NSUN7: variants seen among roughly 807,000 people sequenced by gnomAD.
NSUN7 encodes NOP2/Sun RNA methyltransferase family member 7.
In NSUN7, 39 loss-of-function variants were observed where a neutral mutation model predicts 58.5. The observed-to-expected ratio is 0.67, with a 90% CI of 0.52 to 0.87. The LOEUF is 0.87. Among genes scored for constraint, NSUN7 ranks in the 40% least tolerant of loss-of-function variants. The pLI is 0.00. For missense variants in NSUN7, 765 were observed against 844.1 expected (o/e 0.91, Z 1.16); for synonymous variants, 278 against 303.7 (o/e 0.92, Z 0.88).
intron 7 of NSUN7, among the ~76,000 whole-genome samples, chr4:40,780,842 C>T (rs1238371612): frequency 1.5e-4 from 14 of 95,136 alleles, no homozygotes; most frequent in Admixed American, 8.4e-4. Flanking sequence ...TTTTTTGAGA[C>T]GGTGTCTCGC....
intron 9 of NSUN7, among the ~76,000 whole-genome samples, chr4:40,796,465 C>A (rs1385618165): frequency 6.6e-6 from 1 of 151,930 alleles, no homozygotes; most frequent in Non-Finnish European, 1.5e-5. Flanking sequence ...CATAGTGAGA[C>A]CCTGCCTCTA....
At chr4:40,765,742 C>T (rs1370838597) in intron 4 of NSUN7, among the ~76,000 whole-genome samples, 2 of 152,104 alleles carry the variant, frequency 1.3e-5, no homozygotes, top group African/African-American at 4.8e-5. Flanking sequence ...TTCTTGGTAT[C>T]CTCTTTTATT....
chr4:40,768,388 G>T (rs1741838595), intron 4 of NSUN7, among the ~76,000 whole-genome samples: 1 of 151,782 alleles, frequency 6.6e-6, no homozygotes, highest in African/African-American at 2.4e-5. Flanking sequence ...TGGGGTTTCA[G>T]CATGTTGGCC....
chr4:40,790,778 A>T (rs370313758), intron 8 of NSUN7, 33 bp downstream of exon 8: 1 of 1,445,142 alleles, frequency 6.9e-7, no homozygotes. Context: ...TATTGAAATT[A>T]GTTGACAGTT....
At position 40,808,810 on chromosome 4, in the gene NSUN7, C is replaced by T; in HGVS notation, c.2028C>T (p.Tyr676=). ...CTCGGATGCCAACTCAACATTTGTA[C>T]TGTCGTTGGGTTGCACCCAAGGCAC... ...IRSRMPTQHL[Y]CRWVAPKALV... Residue 676 remains tyrosine (Y), a synonymous_variant, in exon 12 of 12, where the codon TAC becomes TAT. Transcript: ENST00000381782. 1 of 1,549,130 alleles carries T rather than the reference C, an allele frequency of 6.5e-7. No homozygotes were observed.
rs1740767152 is a variant in NSUN7 at position 40,750,601 on chromosome 4, A to G, written c.-91-2A>G. On this transcript the variant is annotated splice_acceptor_variant, in intron 1 of 11. Coordinates refer to ENST00000381782, the MANE Select transcript of NSUN7 (RefSeq NM_024677.6). LOFTEE classifies it low-confidence loss of function (5UTR_SPLICE). ...TACTGCAATCACCTTCTCTCTTCAC[A>G]GAGACCATGCTGCAGATGCGAGGAA... 6.9e-7 allele frequency: 1 copy of G among 1,442,706 alleles called. No homozygotes were observed. The highest frequency in any genetic ancestry group is 1.4e-5 in the African/African-American group (1 of 71,048). The allele number at this position is 1,442,706 out of a possible 1,614,324, so 89.4% of individuals were successfully genotyped here. A position where few individuals can be genotyped will look rare whatever the true frequency, so the allele number is the denominator to read the frequency against.
intron 4 of NSUN7, among the ~76,000 whole-genome samples, chr4:40,764,042 T>C (rs907757009): frequency 1.3e-5 from 2 of 152,074 alleles, no homozygotes; most frequent in African/African-American, 4.8e-5. Context: ...TACTCGAGTC[T>C]TCTTTGTTTT....
chr4:40,772,830 G>A (rs970457896), intron 4 of NSUN7, among the ~76,000 whole-genome samples: 4 of 152,112 alleles, frequency 2.6e-5, no homozygotes, highest in Non-Finnish European at 4.4e-5. Flanking sequence ...AACTCAGATC[G>A]TATTTGACTG....
At chr4:40,767,129 T>C (rs1165927046) in intron 4 of NSUN7, among the ~76,000 whole-genome samples, 1 of 152,056 alleles carries the variant, frequency 6.6e-6, no homozygotes, top group East Asian at 1.9e-4. Flanking sequence ...TGCTAGCTTT[T>C]GAATGTGCTT....
chr4:40,783,814 C>G (rs533480833), intron 7 of NSUN7, among the ~76,000 whole-genome samples: 2 of 151,284 alleles, frequency 1.3e-5, no homozygotes, highest in South Asian at 2.1e-4. Context: ...TGCCACTGCA[C>G]TCTAGCCTAG....
chr4:40,776,074 A>G lies in NSUN7; in HGVS notation c.851A>G (p.His284Arg), dbSNP rs1742247311. The change falls in exon 7 of 12, where the codon CAT becomes CGT. Residue 284 changes from histidine (H) to arginine (R), a missense_variant. Transcript: ENST00000381782. ...GACAAATCTCGAAGTCTTGCTGTCC[A>G]TTCTGTAAAGGCTTTATTAAATATG... is the stretch of plus-strand genomic sequence containing the variant. ...FQDKSRSLAV[H>R]SVKALLNMDD... The G allele has an allele frequency of 3.1e-6, 5 of 1,606,606 alleles. No individual in the cohort carries two copies. The highest frequency in any genetic ancestry group is 4.3e-6 in the Non-Finnish European group (5 of 1,176,318).
intron 7 of NSUN7, chr4:40,786,213 A>G (rs970663961): frequency 5.0e-6 from 8 of 1,613,892 alleles, no homozygotes; most frequent in Admixed American, 3.3e-5. Context: ...CTGGAAAGAC[A>G]ACTGTCTTAT....
chr4:40,782,737 C>T (rs1742636306), intron 7 of NSUN7, among the ~76,000 whole-genome samples: 1 of 151,958 alleles, frequency 6.6e-6, no homozygotes, highest in South Asian at 2.1e-4. Flanking sequence ...GCCATGGTGG[C>T]ACATGCCTGT....
intron 7 of NSUN7, among the ~76,000 whole-genome samples, chr4:40,778,193 A>G (rs1300666702): frequency 2.0e-5 from 3 of 152,204 alleles, no homozygotes; most frequent in African/African-American, 7.2e-5. Context: ...AGACTCAGTG[A>G]TTCAGTTATC....
intron 7 of NSUN7, among the ~76,000 whole-genome samples, chr4:40,776,771 A>G (rs1013288571): frequency 3.3e-5 from 5 of 151,998 alleles, no homozygotes; most frequent in Non-Finnish European, 5.9e-5. Flanking sequence ...TCATGCCACT[A>G]TGCGTGGCTA....
intron 4 of NSUN7, chr4:40,773,034 T>C (rs1388791575): frequency 1.3e-5 from 2 of 152,154 alleles, no homozygotes; most frequent in Non-Finnish European, 2.9e-5. Context: ...TTGTTTTTCT[T>C]TTGTGATTTG....
chr4:40,807,120 A>C lies in NSUN7; in HGVS notation c.1460A>C (p.Lys487Thr), dbSNP rs762926310. Residue 487 changes from lysine (K) to threonine (T), a missense_variant, in exon 11 of 12, where the codon AAA becomes ACA. Physicochemically the swap from Lys to Thr is moderately conservative, Grantham distance 78. Coordinates refer to ENST00000381782, the MANE Select transcript of NSUN7 (RefSeq NM_024677.6). ...AAGGAAATTCAATTGTCTACTGATAAATTTTTCAGAATGGAACCATCTGAA... is the reference window on the plus strand; with the variant it reads ...AAGGAAATTCAATTGTCTACTGATACATTTTTCAGAATGGAACCATCTGAA... ...SLKEIQLSTD[K>T]FFRMEPSEIT... The C allele has an allele frequency of 1.3e-6, 2 of 1,551,298 alleles. No homozygotes were observed. Among genetic ancestry groups the C allele is most frequent in the South Asian group, 2.4e-5 (2 of 84,002 alleles).
At chr4:40,799,732 A>G (rs1743498937) in intron 10 of NSUN7, among the ~76,000 whole-genome samples, 1 of 152,194 alleles carries the variant, frequency 6.6e-6, no homozygotes, top group South Asian at 2.1e-4. Context: ...TACCTAGGGA[A>G]TTATACCAAG....
At chr4:40,751,013 G>A in intron 2 of NSUN7, 22 bp downstream of exon 2, 1 of 1,607,246 alleles carries the variant, frequency 6.2e-7, no homozygotes, top group South Asian at 1.1e-5. Flanking sequence ...CAGTCTGGAA[G>A]ATCAACACTA....
Sources: allele counts gnomAD v4.1 joint callset (sites outside exome capture counted in the v4.1 genomes callset), GRCh38; gene constraint gnomAD v4.1.1; transcripts MANE v1.5; gene names NCBI Gene and HGNC (gene_info 2026-07-23, HGNC 2026-07-21).